The following ATRNL1 variants were observed in gnomAD, a reference collection of about 807,000 sequenced individuals.
The protein encoded by ATRNL1 is attractin-like protein 1.
ATRNL1 carries 95 observed loss-of-function variants against 182.7 expected under a neutral mutation model. The observed-to-expected ratio is 0.52, with a 90% CI of 0.44 to 0.62. ATRNL1 has a LOEUF of 0.62. Among genes scored for constraint, ATRNL1 ranks in the 20% least tolerant of loss-of-function variants. ATRNL1 has a pLI of 0.00. For missense variants in ATRNL1, 1,471 were observed against 1,679.5 expected, an observed-to-expected ratio of 0.88 and a Z score of 2.17; for synonymous variants, 576 against 568.3, an observed-to-expected ratio of 1.01 and a Z score of -0.19.
At chr10:115,696,606 G>C (rs781945260) in intron 26 of ATRNL1, among the ~76,000 whole-genome samples, 9 of 152,118 alleles carry the variant, frequency 5.9e-5, no homozygotes, top group Admixed American at 1.3e-4. Context: ...CACAATGGTT[G>C]AACTATTTTA....
At chr10:115,915,164 G>A (rs942586149) in intron 28 of ATRNL1, among the ~76,000 whole-genome samples, 6 of 152,144 alleles carry the variant, frequency 3.9e-5, no homozygotes, top group East Asian at 1.9e-4. Context: ...TTGGGAGGCC[G>A]AGGCAGGCGG....
intron 24 of ATRNL1, among the ~76,000 whole-genome samples, chr10:115,490,269 C>T (rs1286820572): frequency 1.3e-5 from 2 of 152,084 alleles, no homozygotes; most frequent in East Asian, 3.9e-4. Context: ...TGAATGTTGG[C>T]CTGCATTGCT....
intron 26 of ATRNL1, among the ~76,000 whole-genome samples, chr10:115,579,795 T>G (rs895491192): frequency 1.2e-4 from 19 of 152,166 alleles, no homozygotes; most frequent in African/African-American, 4.3e-4. Context: ...GTGGTTCTTT[T>G]GTTCCTCTTT....
intron 26 of ATRNL1, among the ~76,000 whole-genome samples, chr10:115,639,655 T>C (rs1158528784): frequency 1.3e-5 from 2 of 152,146 alleles, no homozygotes; most frequent in East Asian, 1.9e-4. Flanking sequence ...TATGTAGCAG[T>C]ACACAGAGCA....
intron 28 of ATRNL1, among the ~76,000 whole-genome samples, chr10:115,941,549 C>A (rs1468296301): frequency 2.6e-5 from 4 of 152,186 alleles, no homozygotes; most frequent in Non-Finnish European, 4.4e-5. Flanking sequence ...CTACATCATG[C>A]AGTAGTTTAA....
intron 9 of ATRNL1, among the ~76,000 whole-genome samples, chr10:115,231,530 T>A (rs902603920): frequency 3.9e-5 from 6 of 152,046 alleles, no homozygotes; most frequent in Admixed American, 3.9e-4. Context: ...ATATATATAT[T>A]TTTAAGTTTG....
At chr10:115,386,912 G>A (rs1279798821) in intron 19 of ATRNL1, among the ~76,000 whole-genome samples, 1 of 148,076 alleles carries the variant, frequency 6.8e-6, no homozygotes, top group Non-Finnish European at 1.5e-5. Context: ...AGAACATGCG[G>A]TGTTTGGTTT....
At chr10:115,784,014 AAACAAC>A (rs375974930) in intron 27 of ATRNL1, among the ~76,000 whole-genome samples, 174 of 152,204 alleles carry the variant, frequency 1.1e-3, no homozygotes, top group Non-Finnish European at 2.0e-3. Flanking sequence ...TCCATCCCAA[AAACAAC>A]AACAACAACA....
chr10:115,936,145 G>A (rs565333791), intron 28 of ATRNL1, among the ~76,000 whole-genome samples: 7 of 152,276 alleles, frequency 4.6e-5, no homozygotes, highest in South Asian at 2.1e-4. Flanking sequence ...AAATCTTTGC[G>A]TGCCCAGAGT....
At chr10:115,659,365 A>G (rs12246227) in intron 26 of ATRNL1, among the ~76,000 whole-genome samples, 1 of 151,940 alleles carries the variant, frequency 6.6e-6, no homozygotes, top group Admixed American at 6.6e-5. Flanking sequence ...ACAGTTAATT[A>G]TCTGCTTGGT....
intron 26 of ATRNL1, among the ~76,000 whole-genome samples, chr10:115,676,700 A>G (rs1945873311): frequency 6.7e-6 from 1 of 148,544 alleles, no homozygotes; most frequent in South Asian, 2.1e-4. Context: ...AAAAAAAGAT[A>G]AAAGGCAAAC....
intron 26 of ATRNL1, among the ~76,000 whole-genome samples, chr10:115,667,477 T>C (rs1555040049): frequency 6.6e-6 from 1 of 152,096 alleles, no homozygotes; most frequent in African/African-American, 2.4e-5. Flanking sequence ...GGCATCTCAG[T>C]TGGAGTAGCT....
chr10:115,639,358 A>G (rs1371122430), intron 26 of ATRNL1, among the ~76,000 whole-genome samples: 3 of 152,234 alleles, frequency 2.0e-5, no homozygotes, highest in Non-Finnish European at 2.9e-5. Context: ...AAAATCATTT[A>G]TCTGCTACAG....
At chr10:115,414,603 C>T (rs1554960539) in intron 20 of ATRNL1, among the ~76,000 whole-genome samples, 1 of 151,894 alleles carries the variant, frequency 6.6e-6, no homozygotes, top group East Asian at 1.9e-4. Flanking sequence ...TCATTTCTTT[C>T]TCCCTCTTCC....
intron 28 of ATRNL1, among the ~76,000 whole-genome samples, chr10:115,944,383 C>A (rs530675830): frequency 6.6e-6 from 1 of 151,504 alleles, no homozygotes; most frequent in Non-Finnish European, 1.5e-5. Context: ...GTCATATGCA[C>A]AACTAAATGT....
intron 26 of ATRNL1, among the ~76,000 whole-genome samples, chr10:115,682,131 G>A (rs545227813): frequency 6.6e-6 from 1 of 152,198 alleles, no homozygotes; most frequent in Admixed American, 6.5e-5. Flanking sequence ...TCTTTGATTA[G>A]CAGGATAGAT....
chr10:115,873,057 G>C (rs1951620910), intron 28 of ATRNL1, among the ~76,000 whole-genome samples: 1 of 152,198 alleles, frequency 6.6e-6, no homozygotes, highest in Non-Finnish European at 1.5e-5. Flanking sequence ...ACCCTGAAAT[G>C]GGAGACGATA....
At chr10:115,395,108 A>G (rs550711202) in intron 20 of ATRNL1, among the ~76,000 whole-genome samples, 1 of 139,454 alleles carries the variant, frequency 7.2e-6, no homozygotes, top group East Asian at 2.0e-4. Flanking sequence ...TTTATAAGCA[A>G]AAACATGTGG....
intron 25 of ATRNL1, among the ~76,000 whole-genome samples, chr10:115,547,263 A>AT (rs782037872): frequency 0.015 from 1,989 of 136,766 alleles, 16 homozygotes; most frequent in East Asian, 0.046. Context: ...TCAAAAAAAA[A>AT]ATATATATAT....
Sources: allele counts gnomAD v4.1 joint callset (sites outside exome capture counted in the v4.1 genomes callset), GRCh38; gene constraint gnomAD v4.1.1; transcripts MANE v1.5; gene names NCBI Gene and HGNC (gene_info 2026-07-23, HGNC 2026-07-21).